Variants in PIK3R5 observed in about 807,000 individuals in gnomAD.
The protein encoded by PIK3R5 is phosphoinositide-3-kinase regulatory subunit 5, also known as phosphoinositide 3-kinase regulatory subunit 5.
PIK3R5 carries 32 observed loss-of-function variants against 94.9 expected under a neutral mutation model. The ratio of observed to expected loss-of-function variants is 0.34; its 90% CI spans 0.25 to 0.45. The LOEUF is 0.45. Ranked by LOEUF, PIK3R5 falls within the 20% of genes least tolerant of loss-of-function variation. The pLI is 1.00. For missense variants in PIK3R5, 853 were observed against 1,144.6 expected, an observed-to-expected ratio of 0.75 and a Z score of 3.68; for synonymous variants, 443 against 479.4, an observed-to-expected ratio of 0.92 and a Z score of 0.99.
intron 3 of PIK3R5, among the ~76,000 whole-genome samples, chr17:8,907,831 T>A (rs2090429694): frequency 6.6e-6 from 1 of 152,012 alleles, no homozygotes; most frequent in African/African-American, 2.4e-5. Context: ...AGAGACGAGG[T>A]CTTGCTATGT....
intron 1 of PIK3R5, among the ~76,000 whole-genome samples, chr17:8,933,388 T>C (rs972698534): frequency 3.3e-5 from 5 of 152,126 alleles, no homozygotes; most frequent in African/African-American, 1.2e-4. Flanking sequence ...TAAAGACATT[T>C]GAAGACAAAA....
At chr17:8,931,223 A>G (rs536676660) in intron 1 of PIK3R5, among the ~76,000 whole-genome samples, 1 of 152,320 alleles carries the variant, frequency 6.6e-6, no homozygotes, top group Non-Finnish European at 1.5e-5. Flanking sequence ...TTATCCTTCT[A>G]AAAACTTTAT....
intron 1 of PIK3R5, among the ~76,000 whole-genome samples, chr17:8,948,503 A>C (rs1207595154): frequency 6.6e-6 from 1 of 152,096 alleles, no homozygotes; most frequent in East Asian, 1.9e-4. Flanking sequence ...AACTGGACAA[A>C]AGGCTTGAAT....
intron 1 of PIK3R5, among the ~76,000 whole-genome samples, chr17:8,917,126 C>T (rs941295104): frequency 4.6e-5 from 7 of 152,042 alleles, no homozygotes; most frequent in African/African-American, 1.7e-4. Context: ...TTCTTCCCAA[C>T]ACAGGAAGGA....
Position 8,889,913 on chromosome 17 carries a change from T to A in PIK3R5, c.811+60A>T. 6 of 1,590,666 alleles carry A rather than the reference T, an allele frequency of 3.8e-6. No homozygotes were observed. Among genetic ancestry groups the A allele is most frequent in the Non-Finnish European group, 5.2e-6 (6 of 1,161,566 alleles). ...ACCAGGCCCGCCTGGACCGTGCACCTTGGGACCTAGAATAGGCCATGGGGA... is the reference window on the plus strand; with the variant it reads ...ACCAGGCCCGCCTGGACCGTGCACCATGGGACCTAGAATAGGCCATGGGGA... On this transcript the variant is annotated intron_variant, in intron 8 of 18. Coordinates refer to ENST00000447110, the MANE Select transcript of PIK3R5 (RefSeq NM_001142633.3). The surrounding 1 kb of genome is among the most constrained non-coding windows in gnomAD (Gnocchi z 4.1).
intron 1 of PIK3R5, among the ~76,000 whole-genome samples, chr17:8,962,939 A>T (rs151234677): frequency 1.1e-3 from 168 of 152,304 alleles, no homozygotes; most frequent in African/African-American, 3.9e-3. Flanking sequence ...TGACTTGTTA[A>T]GGATCACTCT....
At chr17:8,936,081 T>C (rs1290286693) in intron 1 of PIK3R5, among the ~76,000 whole-genome samples, 1 of 151,916 alleles carries the variant, frequency 6.6e-6, no homozygotes, top group Admixed American at 6.5e-5. Flanking sequence ...GGAGACAATG[T>C]TTATTTCTAT....
intron 1 of PIK3R5, among the ~76,000 whole-genome samples, chr17:8,949,442 A>C (rs1362735635): frequency 6.6e-6 from 1 of 152,198 alleles, no homozygotes; most frequent in East Asian, 1.9e-4. Flanking sequence ...CAGAGTCATA[A>C]AGAAACTTGA....
At chr17:8,894,167 A>G (rs1567640445) in intron 5 of PIK3R5, among the ~76,000 whole-genome samples, 1 of 152,146 alleles carries the variant, frequency 6.6e-6, no homozygotes, top group Non-Finnish European at 1.5e-5. Flanking sequence ...TTAACAGTCT[A>G]TGATTCCCAG....
chr17:8,924,555 C>T (rs1488015023), intron 1 of PIK3R5, among the ~76,000 whole-genome samples: 1 of 152,154 alleles, frequency 6.6e-6, no homozygotes, highest in Admixed American at 6.6e-5. Flanking sequence ...TTTTCCCTTG[C>T]ACAGCTTTTC....
rs1336052453 is a variant in PIK3R5, at chr17:8,893,748, T to C, written c.413-93A>G. 1 of 984,962 alleles carries C rather than the reference T, an allele frequency of 1.0e-6. No homozygotes were observed. The highest frequency in any genetic ancestry group is 1.6e-5 in the African/African-American group (1 of 62,572). The allele number at this position is 984,962 out of a possible 1,614,324, so 61.0% of individuals were successfully genotyped here. A position where few individuals can be genotyped will look rare whatever the true frequency, so the allele number is the denominator to read the frequency against. On this transcript the variant is annotated intron_variant, in intron 5 of 18. Coordinates refer to ENST00000447110, the MANE Select transcript of PIK3R5 (RefSeq NM_001142633.3). The surrounding 1 kb of genome is among the most constrained non-coding windows in gnomAD (Gnocchi z 5.1). ...GGGAGCCAAGCACTGGACAATCAGG[T>C]TGGAAATTCCCGGATGGAGCTCAGG...
chr17:8,962,964 G>A, intron 1 of PIK3R5, among the ~76,000 whole-genome samples: 1 of 152,090 alleles, frequency 6.6e-6, no homozygotes. Context: ...TCTTCTTCCA[G>A]GAGCTTTCTC....
chr17:8,898,294 G>C (rs1381237249), intron 5 of PIK3R5, among the ~76,000 whole-genome samples: 3 of 152,206 alleles, frequency 2.0e-5, no homozygotes, highest in African/African-American at 7.2e-5. Flanking sequence ...ACCCAGGTTT[G>C]TTCCCCATTT....
chr17:8,935,115 T>A lies in PIK3R5; in HGVS notation c.-13-23608A>T, dbSNP rs768968966. On this transcript the variant is annotated intron_variant, in intron 1 of 18. Coordinates refer to ENST00000447110, the MANE Select transcript of PIK3R5 (RefSeq NM_001142633.3). The surrounding 1 kb of genome is among the most constrained non-coding windows in gnomAD (Gnocchi z 4.5). ...CTTCTGACCTCCAGGCTTGGCTGGATGTCCACCCCCACCCTTTCAGCTCCC... is the reference window on the plus strand; with the variant it reads ...CTTCTGACCTCCAGGCTTGGCTGGAAGTCCACCCCCACCCTTTCAGCTCCC... Among the ~76,000 whole-genome samples the A allele has an allele frequency of 6.6e-6, 1 of 152,180 alleles. No individual in the cohort carries two copies. Among genetic ancestry groups the A allele is most frequent in the Non-Finnish European group, 1.5e-5 (1 of 68,028 alleles).
intron 1 of PIK3R5, among the ~76,000 whole-genome samples, chr17:8,922,872 G>C (rs781652888): frequency 1.3e-5 from 2 of 152,120 alleles, no homozygotes; most frequent in Non-Finnish European, 2.9e-5. Context: ...TCCAGGGAAG[G>C]CAGAAGATGA....
Position 8,889,129 on chromosome 17 carries a change from G to T in PIK3R5, c.895+10C>A. On this transcript the variant is annotated intron_variant, in intron 9 of 18. Transcript: ENST00000447110. This position sits in a 1 kb window ranked among gnomAD's most constrained non-coding sequence, Gnocchi z 4.1. Reference sequence around the variant, plus strand: ...GGGGCATGGGTGTCACCAGGGCCCCGGCTCCTTACCAAAGCTGTCCTGGCT... The same window carrying T: ...GGGGCATGGGTGTCACCAGGGCCCCTGCTCCTTACCAAAGCTGTCCTGGCT... 1 of 1,612,340 alleles carries T rather than the reference G, an allele frequency of 6.2e-7. No homozygotes were observed. The highest frequency in any genetic ancestry group is 8.5e-7 in the Non-Finnish European group (1 of 1,179,030).
At position 8,881,839 on chromosome 17, in the gene PIK3R5, C is replaced by T. The variant is rs149743116; in HGVS notation, c.2248G>A (p.Val750Ile). ...TTGTTGAGGTTCACGGAGGTACAGA[C>T]CTTCTCCAGGTTGCTCCAGCGACTT... ...GRSRWSNLEK[V>I]CTSVNLNKAC... is the part of the protein sequence containing the mutation. Residue 750 changes from valine (V) to isoleucine (I), a missense_variant, in exon 16 of 19, where the codon GTC becomes ATC. Val to Ile is a conservative substitution (Grantham distance 29, BLOSUM62 3). Transcript: ENST00000447110. The surrounding 1 kb of genome is among the most constrained non-coding windows in gnomAD (Gnocchi z 4.8). The T allele has an allele frequency of 1.9e-6, 3 of 1,614,186 alleles. No individual in the cohort carries two copies. The highest frequency in any genetic ancestry group is 2.5e-6 in the Non-Finnish European group (3 of 1,180,024).
chr17:8,927,874 G>C (rs539916974), intron 1 of PIK3R5, among the ~76,000 whole-genome samples: 2 of 152,224 alleles, frequency 1.3e-5, no homozygotes, highest in African/African-American at 4.8e-5. Context: ...TTGGGAACCA[G>C]CTTAGTTCCC....
chr17:8,962,499 G>A (rs1229060288), intron 1 of PIK3R5, among the ~76,000 whole-genome samples: 1 of 152,178 alleles, frequency 6.6e-6, no homozygotes, highest in Non-Finnish European at 1.5e-5. Context: ...TAGAGCTACT[G>A]GAAAAATTAA....
Sources: gnomAD v4.1 joint callset for allele counts (sites outside exome capture counted in the v4.1 genomes callset) on GRCh38, gnomAD v4.1.1 for gene constraint, Gnocchi (gnomAD v3.1) non-coding constraint, MANE v1.5 for transcripts, NCBI Gene and HGNC (gene_info 2026-07-23, HGNC 2026-07-21) for gene names.